Variants in AUTS2 observed in about 807,000 individuals in gnomAD.
AUTS2 encodes the protein autism susceptibility gene 2 protein.
AUTS2 carries 17 observed loss-of-function variants against 112.4 expected under a neutral mutation model. The observed-to-expected ratio is 0.15, with a 90% CI of 0.10 to 0.23. AUTS2 has a LOEUF of 0.23. Among genes scored for constraint, AUTS2 ranks in the 10% least tolerant of loss-of-function variants. AUTS2 has a pLI of 1.00. For missense variants in AUTS2, 1,510 were observed against 1,701.6 expected (o/e 0.89, Z 1.98); for synonymous variants, 751 against 702.7 (o/e 1.07, Z -1.09).
chr7:69,800,476 T>G (rs1220865746), intron 1 of AUTS2, among the ~76,000 whole-genome samples: 4 of 152,164 alleles, frequency 2.6e-5, no homozygotes, highest in Non-Finnish European at 4.4e-5. Flanking sequence ...CTGCCTTTGG[T>G]ATGATAAGCC....
Position 70,790,297 on chromosome 7 carries a change from G to C in AUTS2, c.3081G>C (p.Gly1027=), listed in dbSNP as rs752140263. Residue 1027 remains glycine (G), a synonymous_variant, in exon 19 of 19, where the codon GGG becomes GGC. Coordinates refer to ENST00000342771, the MANE Select transcript of AUTS2 (RefSeq NM_015570.4). The surrounding 1 kb of genome is among the most constrained non-coding windows in gnomAD (Gnocchi z 7.6). The stretch of plus-strand genomic sequence containing the variant: ...TGGCCTCGATGCCCATGACGGTGGG[G>C]GTGACGGGCATTCACCCCATGAACA... ...GPLASMPMTV[G]VTGIHPMNSI... The C allele has an allele frequency of 1.7e-5, 28 of 1,613,556 alleles. No homozygotes were observed. The East Asian group carries it at 6.0e-4, about 35-fold the overall frequency.
At chr7:69,710,146 C>T (rs1320873850) in intron 1 of AUTS2, among the ~76,000 whole-genome samples, 2 of 152,132 alleles carry the variant, frequency 1.3e-5, no homozygotes, top group African/African-American at 4.8e-5. Flanking sequence ...TCCCTTAATT[C>T]CCATAAGTAA....
At chr7:69,650,696 A>G (rs530658054) in intron 1 of AUTS2, among the ~76,000 whole-genome samples, 1 of 152,362 alleles carries the variant, frequency 6.6e-6, no homozygotes, top group East Asian at 1.9e-4. Flanking sequence ...CTGGGATTGC[A>G]CGGGTTGCAA....
intron 1 of AUTS2, among the ~76,000 whole-genome samples, chr7:69,832,368 T>C (rs2129527602): frequency 6.6e-6 from 1 of 152,286 alleles, no homozygotes; most frequent in Middle Eastern, 3.4e-3. Context: ...GGGGATATGA[T>C]TGGTAGTTCT....
At chr7:70,568,562 C>T (rs1461790369) in intron 5 of AUTS2, among the ~76,000 whole-genome samples, 1 of 152,212 alleles carries the variant, frequency 6.6e-6, no homozygotes, top group Non-Finnish European at 1.5e-5. Flanking sequence ...GCCTCATCCC[C>T]ATCTTCTCCA....
At chr7:70,619,312 G>A (rs757189972) in intron 5 of AUTS2, among the ~76,000 whole-genome samples, 7 of 152,178 alleles carry the variant, frequency 4.6e-5, no homozygotes, top group African/African-American at 9.7e-5. Flanking sequence ...CAGACGGGGC[G>A]CGGGAGGATG....
chr7:69,849,511 A>G (rs971629568), intron 1 of AUTS2, among the ~76,000 whole-genome samples: 4 of 152,038 alleles, frequency 2.6e-5, no homozygotes, highest in African/African-American at 9.7e-5. Context: ...AACAACTTCT[A>G]CCACCTTCCC....
intron 2 of AUTS2, among the ~76,000 whole-genome samples, chr7:69,970,302 A>G (rs1233618292): frequency 1.3e-5 from 2 of 152,162 alleles, no homozygotes; most frequent in African/African-American, 2.4e-5. Flanking sequence ...ATAAGTGATG[A>G]TTCCAAAAGC....
At chr7:70,148,970 G>T (rs565331437) in intron 4 of AUTS2, among the ~76,000 whole-genome samples, 3 of 151,954 alleles carry the variant, frequency 2.0e-5, no homozygotes, top group Non-Finnish European at 4.4e-5. Flanking sequence ...TCAGACTCAG[G>T]TATTACAAAG....
intron 1 of AUTS2, among the ~76,000 whole-genome samples, chr7:69,808,065 C>G (rs1369697951): frequency 6.6e-6 from 1 of 151,154 alleles, no homozygotes; most frequent in African/African-American, 2.4e-5. Flanking sequence ...GTAGCTGGGA[C>G]TACAGGCTTG....
At chr7:69,648,221 A>G (rs1472793124) in intron 1 of AUTS2, among the ~76,000 whole-genome samples, 1 of 152,218 alleles carries the variant, frequency 6.6e-6, no homozygotes, top group Admixed American at 6.5e-5. Context: ...CATCAAGAGC[A>G]CTAACAAACT....
In AUTS2 at chr7:70,764,857, C is replaced by T; in HGVS notation, c.1320C>T (p.Pro440=). ...PFPLSLPNHS[P]LHSFTPTLQP... ...CCCTCTCCCTGCCCAACCACAGCCC[C>T]CTGCACAGCTTCACACCCACCCTCC... Residue 440 remains proline (P), a synonymous_variant, in exon 8 of 19, where the codon CCC becomes CCT. Coordinates refer to ENST00000342771, the MANE Select transcript of AUTS2 (RefSeq NM_015570.4). 6.4e-7 allele frequency: 1 copy of T among 1,566,518 alleles called. No individual in the cohort carries two copies. The highest frequency in any genetic ancestry group is 8.7e-7 in the Non-Finnish European group (1 of 1,148,934).
intron 2 of AUTS2, among the ~76,000 whole-genome samples, chr7:69,946,607 C>T (rs925263455): frequency 6.7e-5 from 9 of 134,812 alleles, no homozygotes; most frequent in Admixed American, 1.4e-4. Context: ...CACACACACA[C>T]GCACGCACAC....
At chr7:70,386,938 A>G (rs1220676187) in intron 4 of AUTS2, among the ~76,000 whole-genome samples, 2 of 152,058 alleles carry the variant, frequency 1.3e-5, no homozygotes, top group Non-Finnish European at 2.9e-5. Context: ...TTCTTATTTA[A>G]ATAACCAAGT....
At chr7:69,909,458 A>G (rs1487603849) in intron 2 of AUTS2, among the ~76,000 whole-genome samples, 1 of 152,158 alleles carries the variant, frequency 6.6e-6, no homozygotes, top group East Asian at 1.9e-4. Context: ...TCTGTAGACA[A>G]TGATGATGAG....
intron 4 of AUTS2, among the ~76,000 whole-genome samples, chr7:70,232,528 C>T (rs532952710): frequency 1.3e-5 from 2 of 152,058 alleles, no homozygotes; most frequent in African/African-American, 4.8e-5. Flanking sequence ...CTCAGACTCC[C>T]CAGTAGCTGG....
chr7:70,057,680 C>G lies in AUTS2; in HGVS notation c.523-60452C>G, dbSNP rs111381587. On this transcript the variant is annotated intron_variant, in intron 2 of 18. Coordinates refer to ENST00000342771, the MANE Select transcript of AUTS2 (RefSeq NM_015570.4). ...TTTCTGTATCTCTTATCAAAGCTCT[C>G]CAGGGTCCCTAGACCCTCTGTTGTC... 1.6e-3 allele frequency among the ~76,000 whole-genome samples: 250 copies of G among 152,318 alleles called. 6 individuals carry two copies. The highest frequency in any genetic ancestry group is 5.7e-3 in the African/African-American group (236 of 41,574).
At chr7:70,652,339 TACTTCTGCCA>T (rs1806549585) in intron 5 of AUTS2, among the ~76,000 whole-genome samples, 3 of 141,398 alleles carry the variant, frequency 2.1e-5, no homozygotes, top group Non-Finnish European at 4.8e-5. Context: ...CCAGCAAAAG[TACTTCTGCCA>T]TTTTTTTTTT....
intron 2 of AUTS2, among the ~76,000 whole-genome samples, chr7:69,948,338 C>T (rs1340059848): frequency 6.6e-6 from 1 of 152,166 alleles, no homozygotes; most frequent in African/African-American, 2.4e-5. Context: ...CTTTTATCTA[C>T]CTTGTTGGCA....
Sources: allele counts gnomAD v4.1 joint callset (sites outside exome capture counted in the v4.1 genomes callset), GRCh38; gene constraint gnomAD v4.1.1; non-coding constraint Gnocchi (gnomAD v3.1); transcripts MANE v1.5; gene names NCBI Gene and HGNC (gene_info 2026-07-23, HGNC 2026-07-21).